NADK: variants seen among roughly 807,000 people sequenced by gnomAD.
The protein encoded by NADK is NAD kinase.
In NADK, 22 loss-of-function variants were observed where a neutral mutation model predicts 49.8. The observed-to-expected ratio is 0.44, with a 90% CI of 0.32 to 0.63. The LOEUF (loss-of-function observed/expected upper bound fraction) is 0.63. Ranked by LOEUF, NADK falls within the 30% of genes least tolerant of loss-of-function variation. NADK has a pLI of 0.06. For synonymous variants in NADK, 268 were observed against 253.7 expected (o/e 1.06, Z -0.54); for missense variants, 438 against 609.4 (o/e 0.72, Z 2.96).
intron 11 of NADK, among the ~76,000 whole-genome samples, 186 bp from the exon 12 acceptor site, chr1:1,753,246 G>A (rs1288188140): frequency 6.6e-6 from 1 of 152,200 alleles, no homozygotes; most frequent in Non-Finnish European, 1.5e-5. Context: ...CCAGGTCCTG[G>A]AGGGGACGGT....
In NADK at chr1:1,754,787, G is replaced by A; in HGVS notation, c.689-89C>T. ...CCAGGGAGGCCAGTGGGAGTCAGAG[G>A]GCTCTTTCTTCTCCCAAGTTGACAC... On this transcript the variant is annotated intron_variant, in intron 7 of 11. Coordinates refer to ENST00000341426, the MANE Select transcript of NADK (RefSeq NM_023018.5). This position sits in a 1 kb window ranked among gnomAD's most constrained non-coding sequence, Gnocchi z 4.3. The A allele has an allele frequency of 1.6e-6, 2 of 1,280,620 alleles. No homozygotes were observed. The highest frequency in any genetic ancestry group is 1.4e-5 in the South Asian group (1 of 69,788). The allele number at this position is 1,280,620 out of a possible 1,614,324, so 79.3% of individuals were successfully genotyped here.
In NADK at chr1:1,765,272, G is replaced by T; in HGVS notation, c.135C>A (p.Arg45=). ...NHPIRGRAKS[R]SLSASPALGS... ...CCAGGGCGGGCGAGGCAGACAGGCT[G>T]CGAGACTTGGCCCGGCCCCGGATGG... Residue 45 remains arginine, a synonymous_variant, in exon 2 of 12, where the codon CGC becomes CGA. Transcript: ENST00000341426. The T allele has an allele frequency of 3.7e-6, 6 of 1,613,132 alleles. No individual in the cohort carries two copies. The highest frequency in any genetic ancestry group is 5.1e-6 in the Non-Finnish European group (6 of 1,179,564).
At chr1:1,753,701 TCTAGGCACCCA>T (rs1470454926) in intron 10 of NADK, 52 bp from the exon 11 acceptor site, 1 of 1,495,050 alleles carries the variant, frequency 6.7e-7, no homozygotes. Context: ...GGAGGACGCT[TCTAGGCACCCA>T]CCCCTGAGTG....
chr1:1,763,575 C>CA, intron 2 of NADK, among the ~76,000 whole-genome samples: 1 of 146,252 alleles, frequency 6.8e-6, no homozygotes, highest in Admixed American at 7.0e-5. Flanking sequence ...GCCTAGATCA[C>CA]ACCACTGCAC....
intron 3 of NADK, chr1:1,758,739 A>C: frequency 1.2e-6 from 1 of 831,794 alleles, no homozygotes; most frequent in Non-Finnish European, 1.5e-6. Context: ...TTCTGAAAAA[A>C]AGTCCTCAGT....
At position 1,759,472 on chromosome 1, in the gene NADK, C is replaced by T. The variant is rs145650232; in HGVS notation, c.264-2162G>A. 2.4e-3 allele frequency among the ~76,000 whole-genome samples: 362 copies of T among 152,336 alleles called. 4 individuals carry two copies. Among genetic ancestry groups the T allele is most frequent in the Non-Finnish European group, 3.7e-3 (254 of 68,028 alleles). Reference sequence around the variant, plus strand: ...GCACACTGTGACACACGGGCACTCACGCACCTCCACAACACAGGCCCACCA... The same window carrying T: ...GCACACTGTGACACACGGGCACTCATGCACCTCCACAACACAGGCCCACCA... On this transcript the variant is annotated intron_variant, in intron 3 of 11. Transcript: ENST00000341426.
chr1:1,754,759 A>G lies in NADK; in HGVS notation c.689-61T>C. 1 of 1,507,414 alleles carries G rather than the reference A, an allele frequency of 6.6e-7. No individual in the cohort carries two copies. The highest frequency in any genetic ancestry group is 8.9e-7 in the Non-Finnish European group (1 of 1,126,086). The allele number at this position is 1,507,414 out of a possible 1,614,324, so 93.4% of individuals were successfully genotyped here. ...GGAAGTCAGTGGGGTCAGGGGCCCC[A>G]CCCCAGGGAGGCCAGTGGGAGTCAG... On this transcript the variant is annotated intron_variant, in intron 7 of 11. Transcript: ENST00000341426. This position sits in a 1 kb window ranked among gnomAD's most constrained non-coding sequence, Gnocchi z 4.3.
intron 1 of NADK, among the ~76,000 whole-genome samples, chr1:1,766,412 A>G (rs1645888080): frequency 5.5e-5 from 1 of 18,286 alleles, no homozygotes; most frequent in Non-Finnish European, 1.1e-4. Flanking sequence ...CTCCGTCTCA[A>G]AAAAAAAAAA....
chr1:1,779,556 G>A (rs181443082), upstream of NADK, among the ~76,000 whole-genome samples: 6 of 152,178 alleles, frequency 3.9e-5, no homozygotes, highest in African/African-American at 1.4e-4. Flanking sequence ...ACGGCTCACT[G>A]CAGCCTTGAC....
At chr1:1,755,650 C>T (rs933412396) in intron 6 of NADK, among the ~76,000 whole-genome samples, 174 bp from the exon 7 acceptor site, 10 of 152,026 alleles carry the variant, frequency 6.6e-5, no homozygotes, top group East Asian at 1.9e-4. Flanking sequence ...CAGGGTGGGC[C>T]GGGCCACCAG....
At position 1,765,425 on chromosome 1, in the gene NADK, T is replaced by G; in HGVS notation, c.-19A>C. ...TTTCCATTGTCAGGAAATGAGAACT[T>G]CGGTCAGAAAAACACTGATGCCTTA... is the stretch of plus-strand genomic sequence containing the variant. On this transcript the variant is annotated 5_prime_UTR_variant, in exon 2 of 12. Transcript: ENST00000341426. 6.4e-7 allele frequency: 1 copy of G among 1,556,698 alleles called. No homozygotes were observed. Among genetic ancestry groups the G allele is most frequent in the Non-Finnish European group, 8.7e-7 (1 of 1,145,930 alleles).
chr1:1,771,057 T>A lies in NADK; in HGVS notation c.-40-5611A>T, dbSNP rs200309356. On this transcript the variant is annotated intron_variant, in intron 1 of 11. Transcript: ENST00000341426. Reference sequence around the variant, plus strand: ...TTTCATCTTATAAAAAAAAAAAAAATATATATATATATATATATACACACA... The same window carrying A: ...TTTCATCTTATAAAAAAAAAAAAAAAATATATATATATATATATACACACA... Among the ~76,000 whole-genome samples, 1,218 of 132,828 alleles carry A rather than the reference T, an allele frequency of 9.2e-3. 8 individuals are homozygous for A. Among genetic ancestry groups the A allele is most frequent in the East Asian group, 0.026 (127 of 4,914 alleles). The allele number at this position is 132,828 out of a possible 152,430, so 87.1% of individuals were successfully genotyped here. A position where few individuals can be genotyped will look rare whatever the true frequency, so the allele number is the denominator to read the frequency against.
chr1:1,761,615 T>C (rs1645726993), intron 3 of NADK: 2 of 249,426 alleles, frequency 8.0e-6, no homozygotes, highest in Non-Finnish European at 8.1e-6. Flanking sequence ...GGATCTCATG[T>C]GGAAGCCGCC....
At chr1:1,776,616 T>A (rs971072630) in intron 1 of NADK, among the ~76,000 whole-genome samples, 1 of 151,522 alleles carries the variant, frequency 6.6e-6, no homozygotes, top group Admixed American at 6.6e-5. Context: ...CTACTAAAAA[T>A]ACAAAAATTA....
intron 2 of NADK, among the ~76,000 whole-genome samples, chr1:1,762,942 A>T (rs1310420774): frequency 6.6e-6 from 1 of 152,260 alleles, no homozygotes; most frequent in Non-Finnish European, 1.5e-5. Flanking sequence ...AGGGTCCAGC[A>T]CTGAGGCTGC....
intron 1 of NADK, among the ~76,000 whole-genome samples, chr1:1,767,603 T>G (rs370429093): frequency 6.6e-6 from 1 of 152,206 alleles, no homozygotes; most frequent in African/African-American, 2.4e-5. Context: ...TAAATCTTAA[T>G]GAGGACAAGG....
At chr1:1,774,164 TATATATATACAC>T (rs1646139889) in intron 1 of NADK, among the ~76,000 whole-genome samples, 1 of 150,756 alleles carries the variant, frequency 6.6e-6, no homozygotes, top group Admixed American at 6.6e-5. Context: ...TGTGTGTGTG[TATATATATACAC>T]ACACACACAC....
chr1:1,754,293 G>C lies in NADK; in HGVS notation c.934C>G (p.Gln312Glu), dbSNP rs1282234984. The C allele has an allele frequency of 6.2e-7, 1 of 1,613,600 alleles. No homozygotes were observed. Among genetic ancestry groups the C allele is most frequent in the Non-Finnish European group, 8.5e-7 (1 of 1,179,946 alleles). The change falls in exon 9 of 12, where the codon CAG becomes GAG. Residue 312 changes from glutamine to glutamate, a missense_variant. Physicochemically the swap from Gln to Glu is conservative, Grantham distance 29 (BLOSUM62 2). Coordinates refer to ENST00000341426, the MANE Select transcript of NADK (RefSeq NM_023018.5). The surrounding 1 kb of genome is among the most constrained non-coding windows in gnomAD (Gnocchi z 4.3). ...GTGCTGCGGGCCTTACCGTCGCCCT[G>C]CACCGTGGTGATGAGGTGTCCGTCC... Reference protein sequence around the residue: ...YLDGHLITTVQGDGVIVSTPT... With the variant: ...YLDGHLITTVEGDGVIVSTPT...
intron 3 of NADK, 26 bp from the exon 4 acceptor site, chr1:1,757,336 C>T: frequency 6.3e-7 from 1 of 1,582,104 alleles, no homozygotes; most frequent in Non-Finnish European, 8.7e-7. Flanking sequence ...AAAGAGTTCA[C>T]ACCAGCTGCG....
Sources: allele counts gnomAD v4.1 joint callset (sites outside exome capture counted in the v4.1 genomes callset), GRCh38; gene constraint gnomAD v4.1.1; non-coding constraint Gnocchi (gnomAD v3.1); transcripts MANE v1.5; gene names NCBI Gene and HGNC (gene_info 2026-07-23, HGNC 2026-07-21).